PIK3CA: variants seen among roughly 807,000 people sequenced by gnomAD.
PIK3CA encodes the protein phosphatidylinositol-4,5-bisphosphate 3-kinase catalytic subunit alpha, also known as phosphatidylinositol 4,5-bisphosphate 3-kinase catalytic subunit alpha isoform.
In PIK3CA, 27 loss-of-function variants were observed where a neutral mutation model predicts 138.2. That is an observed-to-expected ratio of 0.20 (90% CI 0.14 to 0.27). The LOEUF is 0.27. Ranked by LOEUF, PIK3CA falls within the 10% of genes least tolerant of loss-of-function variation. PIK3CA has a pLI of 1.00. For missense variants in PIK3CA, 544 were observed against 1,277.4 expected, an observed-to-expected ratio of 0.43 and a Z score of 8.75; for synonymous variants, 358 against 413.2, an observed-to-expected ratio of 0.87 and a Z score of 1.62.
intron 1 of PIK3CA, among the ~76,000 whole-genome samples, chr3:179,176,042 T>C (rs963540680): frequency 3.3e-5 from 5 of 152,226 alleles, no homozygotes; most frequent in Admixed American, 2.0e-4. Context: ...TTCTCTAGTT[T>C]TGAATCCTTT....
intron 1 of PIK3CA, among the ~76,000 whole-genome samples, chr3:179,154,238 C>G (rs1723078721): frequency 6.6e-6 from 1 of 152,140 alleles, no homozygotes. Flanking sequence ...AGACCCAGTA[C>G]CTGTCCCTGG....
chr3:179,234,572 T>G lies in PIK3CA; in HGVS notation c.*208T>G. 1 of 386,702 alleles carries G rather than the reference T, an allele frequency of 2.6e-6. No homozygotes were observed. The highest frequency in any genetic ancestry group is 4.6e-6 in the Non-Finnish European group (1 of 219,546). 24.0% of individuals were successfully genotyped at this position (386,702 alleles called of 1,614,324 possible). A position where few individuals can be genotyped will look rare whatever the true frequency, so the allele number is the denominator to read the frequency against. On this transcript the variant is annotated 3_prime_UTR_variant, in exon 21 of 21. Coordinates refer to ENST00000263967, the MANE Select transcript of PIK3CA (RefSeq NM_006218.4). This position sits in a 1 kb window ranked among gnomAD's most constrained non-coding sequence, Gnocchi z 5.1. ...GCACTTAAACTAGTTCATTTCAAAA[T>G]TAAGCTTTAGAATAATGCGCAATTT...
chr3:179,216,041 C>T (rs1246790668), intron 9 of PIK3CA, among the ~76,000 whole-genome samples: 3 of 152,104 alleles, frequency 2.0e-5, no homozygotes. Context: ...CAGACATTAG[C>T]CAAGGTTCCT....
chr3:179,152,294 G>A (rs974061273), intron 1 of PIK3CA, among the ~76,000 whole-genome samples: 6 of 152,064 alleles, frequency 3.9e-5, no homozygotes, highest in African/African-American at 1.4e-4. Context: ...ATATAGTACT[G>A]CACTGGAAAT....
At chr3:179,206,258 A>G (rs945864882) in intron 6 of PIK3CA, among the ~76,000 whole-genome samples, 7 of 151,956 alleles carry the variant, frequency 4.6e-5, no homozygotes, top group African/African-American at 1.5e-4. Flanking sequence ...GGGTTTCACC[A>G]TGTTGGCCAG....
At chr3:179,202,946 T>G (rs1244606985) in intron 4 of PIK3CA, among the ~76,000 whole-genome samples, 1 of 148,298 alleles carries the variant, frequency 6.7e-6, no homozygotes, top group Non-Finnish European at 1.5e-5. Context: ...CTTGTTTTTT[T>G]TTTTTTTTTT....
Position 179,219,673 on chromosome 3 carries a change from C to T in PIK3CA, c.1849C>T (p.Arg617Trp), listed in dbSNP as rs776503460. ...PDPMVRGFAV[R>W]CLEKYLTDDK... ...TCCTATGGTTCGAGGTTTTGCTGTTCGGTGCTTGGAAAAATATTTAACAGA... is the reference window on the plus strand; with the variant it reads ...TCCTATGGTTCGAGGTTTTGCTGTTTGGTGCTTGGAAAAATATTTAACAGA... Residue 617 changes from arginine (R) to tryptophan (W), a missense_variant, in exon 12 of 21, where the codon CGG becomes TGG. Coordinates refer to ENST00000263967, the MANE Select transcript of PIK3CA (RefSeq NM_006218.4). This position sits in a 1 kb window ranked among gnomAD's most constrained non-coding sequence, Gnocchi z 4.2. 3.1e-6 allele frequency: 5 copies of T among 1,611,194 alleles called. No individual in the cohort carries two copies. The highest frequency in any genetic ancestry group is 4.2e-6 in the Non-Finnish European group (5 of 1,178,016).
chr3:179,233,598 T>C (rs1379622982), intron 20 of PIK3CA, among the ~76,000 whole-genome samples: 2 of 152,190 alleles, frequency 1.3e-5, no homozygotes, highest in African/African-American at 2.4e-5. Flanking sequence ...TGACAAATAA[T>C]GTATAGTGCT....
At chr3:179,184,574 A>G (rs886809097) in intron 1 of PIK3CA, among the ~76,000 whole-genome samples, 24 of 152,230 alleles carry the variant, frequency 1.6e-4, no homozygotes, top group Admixed American at 1.6e-3. Context: ...TGAAAATAAT[A>G]GTCCAAAGCA....
chr3:179,165,677 A>C (rs1576916272), intron 1 of PIK3CA, among the ~76,000 whole-genome samples: 2 of 152,286 alleles, frequency 1.3e-5, no homozygotes, highest in Admixed American at 1.3e-4. Context: ...TGTAATTCTC[A>C]CAATTTGGCA....
In PIK3CA at chr3:179,168,911, GT is replaced by G. The variant is rs1196899441; in HGVS notation, c.-77+20316del. ...CTGTGTCTATTTTTTTAATTTCTGG[GT>G]TTTTTTTCCTTTTGTCTGGCTCTTT... On this transcript the variant is annotated intron_variant, in intron 1 of 20. Transcript: ENST00000263967. Among the ~76,000 whole-genome samples, 6 of 149,328 alleles carry G rather than the reference GT, an allele frequency of 4.0e-5. No homozygotes were observed. The East Asian group carries it at 1.2e-3, about 30-fold the overall frequency.
chr3:179,234,390 C>A lies in PIK3CA; in HGVS notation c.*26C>A, dbSNP rs2108430269. 6.3e-7 allele frequency: 1 copy of A among 1,579,454 alleles called. No individual in the cohort carries two copies. Among genetic ancestry groups the A allele is most frequent in the South Asian group, 1.2e-5 (1 of 85,960 alleles). Reference sequence around the variant, plus strand: ...AAAGATAACTGAGAAAATGAAAGCTCACTCTGGATTCCACACTGCACTGTT... The same window carrying A: ...AAAGATAACTGAGAAAATGAAAGCTAACTCTGGATTCCACACTGCACTGTT... On this transcript the variant is annotated 3_prime_UTR_variant, in exon 21 of 21. Coordinates refer to ENST00000263967, the MANE Select transcript of PIK3CA (RefSeq NM_006218.4). This position sits in a 1 kb window ranked among gnomAD's most constrained non-coding sequence, Gnocchi z 5.1.
At chr3:179,218,882 GT>G (rs1326148559) in intron 10 of PIK3CA, among the ~76,000 whole-genome samples, 3 of 151,954 alleles carry the variant, frequency 2.0e-5, no homozygotes, top group Non-Finnish European at 4.4e-5. Flanking sequence ...GCATAAGTAG[GT>G]GAAAAATATG....
intron 1 of PIK3CA, among the ~76,000 whole-genome samples, chr3:179,166,357 C>T (rs1723419802): frequency 6.6e-6 from 1 of 152,152 alleles, no homozygotes; most frequent in Admixed American, 6.5e-5. Flanking sequence ...CTCACATGTT[C>T]ATTTAAATTA....
At position 179,219,322 on chromosome 3, in the gene PIK3CA, G is replaced by A. The variant is rs1293184405; in HGVS notation, c.1746+45G>A. On this transcript the variant is annotated intron_variant, in intron 11 of 20. Coordinates refer to ENST00000263967, the MANE Select transcript of PIK3CA (RefSeq NM_006218.4). This position sits in a 1 kb window ranked among gnomAD's most constrained non-coding sequence, Gnocchi z 4.2. The stretch of plus-strand genomic sequence containing the variant: ...TACTAGATAACTGTTGTACAAATTG[G>A]TATGTCACTTAAATTGTTTTCTCTC... The A allele has an allele frequency of 2.7e-6, 3 of 1,119,556 alleles. No individual in the cohort carries two copies. In the South Asian group the frequency reaches 3.8e-5, roughly 14 times the overall value. 69.4% of individuals were successfully genotyped at this position (1,119,556 alleles called of 1,614,324 possible).
In PIK3CA at chr3:179,201,298, A is replaced by G; in HGVS notation, c.571A>G (p.Ile191Val). 6.2e-7 allele frequency: 1 copy of G among 1,612,426 alleles called. No individual in the cohort carries two copies. The highest frequency in any genetic ancestry group is 8.5e-7 in the Non-Finnish European group (1 of 1,178,882). The change falls in exon 4 of 21, where the codon ATA (isoleucine) becomes GTA (valine). Residue 191 changes from isoleucine (I) to valine (V), a missense_variant. Ile to Val is a conservative substitution (Grantham distance 29). Coordinates refer to ENST00000263967, the MANE Select transcript of PIK3CA (RefSeq NM_006218.4). ...IYNKLDKGQI[I>V]VVIWVIVSPN... The stretch of plus-strand genomic sequence containing the variant: ...ATGTTTTCCTGTTATAGGGCAAATA[A>G]TAGTGGTGATCTGGGTAATAGTTTC...
chr3:179,224,583 G>T, intron 15 of PIK3CA, 117 bp from the exon 16 acceptor site: 2 of 606,430 alleles, frequency 3.3e-6, no homozygotes, highest in Admixed American at 3.6e-5. Context: ...TGAGGTGAAA[G>T]TTGTAAATCT....
intron 1 of PIK3CA, among the ~76,000 whole-genome samples, chr3:179,182,100 A>T (rs948404276): frequency 6.6e-6 from 1 of 152,154 alleles, no homozygotes; most frequent in Non-Finnish European, 1.5e-5. Flanking sequence ...TTTAGATCTT[A>T]AAGTTCCCTT....
At chr3:179,193,396 T>C (rs1009760877) in intron 1 of PIK3CA, among the ~76,000 whole-genome samples, 2 of 152,208 alleles carry the variant, frequency 1.3e-5, no homozygotes, top group Non-Finnish European at 1.5e-5. Context: ...AAGGAGATGC[T>C]ACTGTAATCA....
Sources: gnomAD v4.1 joint callset for allele counts (sites outside exome capture counted in the v4.1 genomes callset) on GRCh38, gnomAD v4.1.1 for gene constraint, Gnocchi (gnomAD v3.1) non-coding constraint, MANE v1.5 for transcripts, NCBI Gene and HGNC (gene_info 2026-07-23, HGNC 2026-07-21) for gene names.